The following APEH variants were observed in gnomAD, a reference collection of about 807,000 sequenced individuals.
The protein encoded by APEH is acylaminoacyl-peptide hydrolase, also known as acylamino-acid-releasing enzyme.
APEH carries 75 observed loss-of-function variants against 102.7 expected under a neutral mutation model. That is an observed-to-expected ratio of 0.73 (90% CI 0.61 to 0.89). The LOEUF (loss-of-function observed/expected upper bound fraction) is 0.89, where lower values mean the gene tolerates loss of function less well. APEH is among the 40% of genes least tolerant of loss of function. The probability of loss-of-function intolerance (pLI) is 0.00; values close to 1 mark genes in which losing one functional copy is unlikely to be tolerated. For synonymous variants in APEH, 344 were observed against 362.7 expected, an observed-to-expected ratio of 0.95 and a Z score of 0.59; for missense variants, 863 against 941.2, an observed-to-expected ratio of 0.92 and a Z score of 1.09.
chr3:49,677,659 G>A (rs1559633522), intron 11 of APEH, 26 bp downstream of exon 11: 3 of 1,595,292 alleles, frequency 1.9e-6, no homozygotes, highest in Non-Finnish European at 2.6e-6. Context: ...CTGGGTGGGT[G>A]CAGTGGGGCC....
rs533443649 is a variant in APEH at position 49,683,386 on chromosome 3, C to G, written c.*44C>G. The G allele has an allele frequency of 6.5e-7, 1 of 1,542,026 alleles. No individual in the cohort carries two copies. The highest frequency in any genetic ancestry group is 1.1e-5 in the South Asian group (1 of 89,296). On this transcript the variant is annotated 3_prime_UTR_variant, in exon 22 of 22. Coordinates refer to ENST00000296456, the MANE Select transcript of APEH (RefSeq NM_001640.4). ...GAGCTGATCAGCCTGTGCCACACTT[C>G]GCTCTTGAGGAGCTCAACGGTCTGG...
rs2053304484 is a variant in APEH, at chr3:49,681,222, A to G, written c.1421A>G (p.Gln474Arg). 1 of 1,601,572 alleles carries G rather than the reference A, an allele frequency of 6.2e-7. No homozygotes were observed. The highest frequency in any genetic ancestry group is 8.5e-7 in the Non-Finnish European group (1 of 1,173,350). ...GIRVLQPPPE[Q>R]ENVQYAGLDF... Reference sequence around the variant, plus strand: ...CGGGTGCTACAGCCACCCCCAGAGCAAGAGAATGTGCAGTATGGTGAGCTG... The same window carrying G: ...CGGGTGCTACAGCCACCCCCAGAGCGAGAGAATGTGCAGTATGGTGAGCTG... Residue 474 changes from glutamine to arginine, a missense_variant, in exon 15 of 22, where the codon CAA becomes CGA. Transcript: ENST00000296456.
rs1220927814 is a variant in APEH, at chr3:49,676,808, G to C, written c.868G>C (p.Gly290Arg). 1.2e-6 allele frequency: 2 copies of C among 1,614,278 alleles called. No homozygotes were observed. The highest frequency in any genetic ancestry group is 4.5e-5 in the East Asian group (2 of 44,890). The change falls in exon 9 of 22, where the codon GGG becomes CGG. Residue 290 changes from glycine to arginine, a missense_variant. By Grantham distance (125) the Gly-to-Arg change is moderately radical. Coordinates refer to ENST00000296456, the MANE Select transcript of APEH (RefSeq NM_001640.4). ...CCTGTATTATGTGGACCTCATCGGG[G>C]GGAAGTGTGGTAAGTGGCTGATGCC... ...SALYYVDLIGGKCELLSDDSL... is the reference protein window; with the variant it reads ...SALYYVDLIGRKCELLSDDSL...
Position 49,676,645 on chromosome 3 carries a change from G to C in APEH, c.781G>C (p.Val261Leu). The C allele has an allele frequency of 1.2e-6, 2 of 1,614,278 alleles. No individual in the cohort carries two copies. Among genetic ancestry groups the C allele is most frequent in the Non-Finnish European group, 1.7e-6 (2 of 1,180,046 alleles). ...WAPGDAGVVF[V>L]GWWHEPFRLG... The stretch of plus-strand genomic sequence containing the variant: ...CCCTGGAGATGCTGGTGTGGTGTTT[G>C]TGGGCTGGTGGCATGAGCCCTTCCG... The change falls in exon 8 of 22, where the codon GTG (valine) becomes CTG (leucine). Residue 261 changes from valine (V) to leucine (L), a missense_variant. By Grantham distance (32) the Val-to-Leu change is conservative. Coordinates refer to ENST00000296456, the MANE Select transcript of APEH (RefSeq NM_001640.4).
chr3:49,674,723 T>C, intron 2 of APEH, 102 bp downstream of exon 2: 3 of 1,452,694 alleles, frequency 2.1e-6, no homozygotes, highest in Non-Finnish European at 2.8e-6. Flanking sequence ...TAAGGGTATA[T>C]AGGGAGCCGG....
rs758270418 is a variant in APEH at position 49,675,266 on chromosome 3, G to A, written c.229G>A (p.Val77Met). ...GGTGTTCCATGACGGGGACTCAGTGGTGTTTGCAGGACCTGCAGGCAACAG... is the reference window on the plus strand; with the variant it reads ...GGTGTTCCATGACGGGGACTCAGTGATGTTTGCAGGACCTGCAGGCAACAG... ...YLVFHDGDSV[V>M]FAGPAGNSVE... Residue 77 changes from valine to methionine, a missense_variant, in exon 3 of 22, where the codon GTG becomes ATG. Coordinates refer to ENST00000296456, the MANE Select transcript of APEH (RefSeq NM_001640.4). The A allele has an allele frequency of 3.1e-6, 5 of 1,613,946 alleles. No homozygotes were observed. The highest frequency in any genetic ancestry group is 2.2e-5 in the East Asian group (1 of 44,900).
intron 11 of APEH, among the ~76,000 whole-genome samples, chr3:49,678,085 A>G (rs2053151639): frequency 6.6e-6 from 1 of 152,122 alleles, no homozygotes; most frequent in African/African-American, 2.4e-5. Context: ...TGTCCAGTCT[A>G]AGCCCTGAAG....
chr3:49,683,339 C>G lies in APEH; in HGVS notation c.2196C>G (p.Ser732Arg), dbSNP rs751832216. The part of the protein sequence containing the change: ...AVLWLRTHLG[S>R] ...TCTGGCTACGCACACACTTGGGCAG[C>G]TGAAGCCCTGCCATTCTGCATGAGC... is the stretch of plus-strand genomic sequence containing the variant. Residue 732 changes from serine to arginine, a missense_variant, in exon 22 of 22, where the codon AGC becomes AGG. By Grantham distance (110) the Ser-to-Arg change is moderately radical (BLOSUM62 -1). Transcript: ENST00000296456. The G allele has an allele frequency of 1.2e-6, 2 of 1,610,314 alleles. No individual in the cohort carries two copies. The highest frequency in any genetic ancestry group is 1.7e-6 in the Non-Finnish European group (2 of 1,176,874).
At position 49,676,138 on chromosome 3, in the gene APEH, C is replaced by A. The variant is rs1358891736; in HGVS notation, c.525C>A (p.Ser175=). ...AGAAGAAGCGCCCCAAGGCCGAGTC[C>A]TTCTTTCAGACCAAAGCCTTGGACG... The part of the protein sequence containing the change: ...VAEKKRPKAE[S]FFQTKALDVS... The change falls in exon 6 of 22, where the codon TCC becomes TCA. Residue 175 remains serine (S), a synonymous_variant. Transcript: ENST00000296456. 2 of 1,614,172 alleles carry A rather than the reference C, an allele frequency of 1.2e-6. No homozygotes were observed. The highest frequency in any genetic ancestry group is 2.2e-5 in the South Asian group (2 of 91,088).
intron 19 of APEH, 32 bp downstream of exon 19, chr3:49,682,768 C>T: frequency 1.5e-5 from 25 of 1,613,566 alleles, no homozygotes; most frequent in Non-Finnish European, 2.0e-5. Context: ...CTGCCCTTCC[C>T]TCCTCTACCT....
chr3:49,679,791 G>A lies in APEH; in HGVS notation c.1210+147G>A, dbSNP rs2053235507. On this transcript the variant is annotated intron_variant, in intron 13 of 21. Transcript: ENST00000296456. The surrounding 1 kb of genome is among the most constrained non-coding windows in gnomAD (Gnocchi z 4.3). The stretch of plus-strand genomic sequence containing the variant: ...GACTGTTCCACAGCCTTTACTAACA[G>A]GTCCCCAAGGCCCCTGTCTGTGCAG... 1 of 783,862 alleles carries A rather than the reference G, an allele frequency of 1.3e-6. No individual in the cohort carries two copies. The highest frequency in any genetic ancestry group is 1.7e-5 in the African/African-American group (1 of 58,498). 48.6% of individuals were successfully genotyped at this position (783,862 alleles called of 1,614,324 possible).
At position 49,679,114 on chromosome 3, in the gene APEH, G is replaced by A. The variant is rs1013512094; in HGVS notation, c.1158+165G>A. On this transcript the variant is annotated intron_variant, in intron 12 of 21. Transcript: ENST00000296456. This position sits in a 1 kb window ranked among gnomAD's most constrained non-coding sequence, Gnocchi z 4.3. ...GGACTCATTTCTCCTGGAGGGGACT[G>A]GCTGCCCTGGTGCACCACAGCAGAA... 1.3e-5 allele frequency among the ~76,000 whole-genome samples: 2 copies of A among 152,138 alleles called. No individual in the cohort carries two copies. The highest frequency in any genetic ancestry group is 2.9e-5 in the Non-Finnish European group (2 of 68,004).
chr3:49,682,305 G>C, intron 17 of APEH, 43 bp from the exon 18 acceptor site: 1 of 1,550,478 alleles, frequency 6.4e-7, no homozygotes, highest in Non-Finnish European at 8.9e-7. Flanking sequence ...AGGGGGCTGG[G>C]AATGTTGCCT....
At chr3:49,676,310 G>A in intron 6 of APEH, 68 bp from the exon 7 acceptor site, 1 of 1,611,966 alleles carries the variant, frequency 6.2e-7, no homozygotes, top group Non-Finnish European at 8.5e-7. Flanking sequence ...ACCTGGGGAG[G>A]CACTAGCTTT....
At chr3:49,675,075 TGAGA>T (rs998838246) in intron 2 of APEH, 104 bp from the exon 3 acceptor site, 85 of 1,449,948 alleles carry the variant, frequency 5.9e-5, no homozygotes, top group Admixed American at 9.4e-5. Context: ...GGAGACAGAT[TGAGA>T]GATTGGGGAA....
chr3:49,676,541 C>G (rs376998125), intron 7 of APEH, 26 bp downstream of exon 7: 10 of 1,614,134 alleles, frequency 6.2e-6, no homozygotes, highest in Non-Finnish European at 7.6e-6. Context: ...CTGTGTCCCC[C>G]CTGGAGTCTG....
chr3:49,676,252 G>A, intron 6 of APEH, 33 bp downstream of exon 6: 2 of 1,612,112 alleles, frequency 1.2e-6, no homozygotes, highest in South Asian at 2.2e-5. Context: ...GGCCCGGCAG[G>A]GCAGCCCTGG....
Position 49,681,873 on chromosome 3 carries a change from C to A in APEH, c.1523-14C>A, listed in dbSNP as rs766968806. The A allele has an allele frequency of 1.2e-6, 2 of 1,613,538 alleles. No homozygotes were observed. Among genetic ancestry groups the A allele is most frequent in the Non-Finnish European group, 1.7e-6 (2 of 1,179,424 alleles). ...TCCTAGCTGGCCCTTTCACCCTCCGCTCCCTGTCTGCAGGGGGGCCCCATT... is the reference window on the plus strand; with the variant it reads ...TCCTAGCTGGCCCTTTCACCCTCCGATCCCTGTCTGCAGGGGGGCCCCATT... On this transcript the variant is annotated splice_polypyrimidine_tract_variant and intron_variant, in intron 16 of 21. Coordinates refer to ENST00000296456, the MANE Select transcript of APEH (RefSeq NM_001640.4).
At position 49,676,050 on chromosome 3, in the gene APEH, A is replaced by G. The variant is rs1575466276; in HGVS notation, c.443-6A>G. On this transcript the variant is annotated splice_region_variant and splice_polypyrimidine_tract_variant and intron_variant, in intron 5 of 21. Coordinates refer to ENST00000296456, the MANE Select transcript of APEH (RefSeq NM_001640.4). ...GCCCCCCCTGATTGGCCCTCCCTGC[A>G]CCCAGACTGCTTTGGCTGCCTGTCC... 1 of 1,614,150 alleles carries G rather than the reference A, an allele frequency of 6.2e-7. No individual in the cohort carries two copies. Among genetic ancestry groups the G allele is most frequent in the African/African-American group, 1.3e-5 (1 of 75,036 alleles).
Sources: gnomAD v4.1 joint callset for allele counts (sites outside exome capture counted in the v4.1 genomes callset) on GRCh38, gnomAD v4.1.1 for gene constraint, Gnocchi (gnomAD v3.1) non-coding constraint, MANE v1.5 for transcripts, NCBI Gene and HGNC (gene_info 2026-07-23, HGNC 2026-07-21) for gene names.